BCAS3: variants seen among roughly 807,000 people sequenced by gnomAD.
The protein encoded by BCAS3 is BCAS4/BCAS3 fusion.
BCAS3 carries 53 observed loss-of-function variants against 116.1 expected under a neutral mutation model. That is an observed-to-expected ratio of 0.46 (90% CI 0.37 to 0.57). The LOEUF is 0.57. Among genes scored for constraint, BCAS3 ranks in the 20% least tolerant of loss-of-function variants. The probability of loss-of-function intolerance (pLI) is 0.00; values close to 1 mark genes in which losing one functional copy is unlikely to be tolerated. For missense variants in BCAS3, 917 were observed against 1,165.4 expected (o/e 0.79, Z 3.10); for synonymous variants, 391 against 408.2 (o/e 0.96, Z 0.51).
Position 60,815,419 on chromosome 17 carries a change from T to A in BCAS3, c.476+7343T>A, listed in dbSNP as rs1382769324. On this transcript the variant is annotated intron_variant, in intron 7 of 23. Coordinates refer to ENST00000407086, the MANE Select transcript of BCAS3 (RefSeq NM_017679.5). ...GTAACAAGCCTGCACGTTGTGCACA[T>A]GTACCCTAGAACTTAAAGTGTAATA... Among the ~76,000 whole-genome samples the A allele has an allele frequency of 2.6e-5, 4 of 151,892 alleles. No individual in the cohort carries two copies. The South Asian group carries it at 8.3e-4, about 32-fold the overall frequency.
chr17:60,810,555 CA>C, intron 7 of BCAS3: 1 of 869,584 alleles, frequency 1.1e-6, no homozygotes. Context: ...GCCATTACTT[CA>C]AGACCATCGA....
intron 7 of BCAS3, among the ~76,000 whole-genome samples, chr17:60,862,105 A>G (rs1189687730): frequency 6.6e-6 from 1 of 151,910 alleles, no homozygotes; most frequent in African/African-American, 2.4e-5. Flanking sequence ...AACATGGTGA[A>G]ACCTCGTCTC....
At chr17:60,975,708 C>T (rs2062299889) in intron 14 of BCAS3, among the ~76,000 whole-genome samples, 1 of 152,226 alleles carries the variant, frequency 6.6e-6, no homozygotes, top group African/African-American at 2.4e-5. Flanking sequence ...CCCCCTCTCC[C>T]TGCTCCTCTG....
chr17:60,858,216 C>T (rs2053845266), intron 7 of BCAS3, among the ~76,000 whole-genome samples: 3 of 152,288 alleles, frequency 2.0e-5, no homozygotes, highest in Non-Finnish European at 2.9e-5. Flanking sequence ...TTCTCTCCCA[C>T]CTCCAGTTGT....
chr17:61,114,759 CA>C lies in BCAS3; in HGVS notation c.2425+30201del, dbSNP rs976063030. 1.8e-4 allele frequency among the ~76,000 whole-genome samples: 27 copies of C among 149,998 alleles called. 1 individual carries two copies. The highest frequency in any genetic ancestry group is 6.3e-4 in the African/African-American group (26 of 40,964). ...AACTACTTTAAAGTTCATATGGAAC[CA>C]AAAAAGAGCCCGCATCGCCAAGGCA... is the stretch of plus-strand genomic sequence containing the variant. On this transcript the variant is annotated intron_variant, in intron 22 of 23. Coordinates refer to ENST00000407086, the MANE Select transcript of BCAS3 (RefSeq NM_017679.5).
At chr17:60,893,330 G>A (rs2057300979) in intron 10 of BCAS3, among the ~76,000 whole-genome samples, 2 of 152,008 alleles carry the variant, frequency 1.3e-5, no homozygotes, top group East Asian at 1.9e-4. Context: ...GTCTAGAAGA[G>A]TTTTTCCCTA....
chr17:61,142,032 C>A (rs575078380), intron 22 of BCAS3, among the ~76,000 whole-genome samples: 5 of 151,756 alleles, frequency 3.3e-5, no homozygotes, highest in African/African-American at 1.2e-4. Context: ...TCTCCTTTTC[C>A]CCAGATATAT....
intron 22 of BCAS3, among the ~76,000 whole-genome samples, chr17:61,192,259 A>G (rs2080188247): frequency 6.7e-6 from 1 of 150,068 alleles, no homozygotes; most frequent in Non-Finnish European, 1.5e-5. Flanking sequence ...AAAAAAAAAA[A>G]AAAGAAACAT....
chr17:61,022,343 G>A (rs551582668), intron 16 of BCAS3, among the ~76,000 whole-genome samples: 2 of 152,166 alleles, frequency 1.3e-5, no homozygotes, highest in Admixed American at 6.5e-5. Context: ...TCCGCCTCCT[G>A]GGTTCACACC....
intron 22 of BCAS3, among the ~76,000 whole-genome samples, chr17:61,290,811 C>T (rs530913764): frequency 2.6e-5 from 4 of 152,108 alleles, no homozygotes; most frequent in African/African-American, 7.2e-5. Flanking sequence ...GTCAGAGTCT[C>T]GCTCTGTTGC....
chr17:60,962,315 G>A lies in BCAS3; in HGVS notation c.1221+14963G>A, dbSNP rs961466356. Among the ~76,000 whole-genome samples the A allele has an allele frequency of 1.3e-5, 2 of 152,070 alleles. No individual in the cohort carries two copies. Among genetic ancestry groups the A allele is most frequent in the Non-Finnish European group, 2.9e-5 (2 of 67,986 alleles). ...ACATTTCCACCAGCAGTGTGCAAGG[G>A]TCTCTTCTCCACATTCTCACCAGCA... is the stretch of plus-strand genomic sequence containing the variant. On this transcript the variant is annotated intron_variant, in intron 14 of 23. Coordinates refer to ENST00000407086, the MANE Select transcript of BCAS3 (RefSeq NM_017679.5). This position sits in a 1 kb window ranked among gnomAD's most constrained non-coding sequence, Gnocchi z 4.4.
chr17:61,225,557 A>G (rs1478589273), intron 22 of BCAS3, among the ~76,000 whole-genome samples: 1 of 152,202 alleles, frequency 6.6e-6, no homozygotes, highest in Non-Finnish European at 1.5e-5. Context: ...TGAGGGACAA[A>G]GAAGAAGGAA....
At chr17:60,947,918 C>G (rs1022112746) in intron 14 of BCAS3, among the ~76,000 whole-genome samples, 10 of 151,990 alleles carry the variant, frequency 6.6e-5, no homozygotes, top group Admixed American at 6.6e-5. Context: ...AATTTGCAAA[C>G]ACTACAAATC....
intron 2 of BCAS3, among the ~76,000 whole-genome samples, chr17:60,679,864 C>T (rs2032720718): frequency 6.6e-6 from 1 of 152,196 alleles, no homozygotes; most frequent in East Asian, 1.9e-4. Flanking sequence ...AGAGGCCGGG[C>T]GCAGTGGCTC....
chr17:61,046,732 G>A (rs2068391869), intron 19 of BCAS3, among the ~76,000 whole-genome samples: 5 of 151,782 alleles, frequency 3.3e-5, no homozygotes, highest in Admixed American at 3.3e-4. Flanking sequence ...AAGGCTGACT[G>A]TATAACTTTT....
chr17:61,231,458 C>T (rs2082675257), intron 22 of BCAS3, among the ~76,000 whole-genome samples: 1 of 152,092 alleles, frequency 6.6e-6, no homozygotes, highest in African/African-American at 2.4e-5. Context: ...TTAGAAGTTT[C>T]AGATATTTGT....
chr17:60,938,946 G>A (rs1437644422), intron 13 of BCAS3, among the ~76,000 whole-genome samples: 1 of 152,156 alleles, frequency 6.6e-6, no homozygotes, highest in South Asian at 2.1e-4. Context: ...TCAAATGTTG[G>A]TGAAGTTATG....
chr17:60,932,894 G>T (rs2059733070), intron 13 of BCAS3, among the ~76,000 whole-genome samples: 1 of 151,730 alleles, frequency 6.6e-6, no homozygotes, highest in African/African-American at 2.4e-5. Flanking sequence ...CCCCATGGAG[G>T]CTGGAAGCGG....
intron 22 of BCAS3, among the ~76,000 whole-genome samples, chr17:61,246,733 C>G (rs940797017): frequency 6.6e-6 from 1 of 151,836 alleles, no homozygotes; most frequent in South Asian, 2.1e-4. Flanking sequence ...AATACAATAT[C>G]AACCATTCAG....
Sources: gnomAD v4.1 joint callset for allele counts (sites outside exome capture counted in the v4.1 genomes callset) on GRCh38, gnomAD v4.1.1 for gene constraint, Gnocchi (gnomAD v3.1) non-coding constraint, MANE v1.5 for transcripts, NCBI Gene and HGNC (gene_info 2026-07-23, HGNC 2026-07-21) for gene names.